Variants in KCNMA1 observed in about 807,000 individuals in gnomAD.
KCNMA1 encodes the protein potassium calcium-activated channel subfamily M alpha 1.
In KCNMA1, 29 loss-of-function variants were observed where a neutral mutation model predicts 140.0. The observed-to-expected ratio is 0.21, with a 90% CI of 0.15 to 0.28. The LOEUF is 0.28. KCNMA1 is among the 10% of genes least tolerant of loss of function. The pLI is 1.00. For missense variants in KCNMA1, 880 were observed against 1,602.2 expected, an observed-to-expected ratio of 0.55 and a Z score of 7.70; for synonymous variants, 612 against 611.9, an observed-to-expected ratio of 1.00 and a Z score of 0.00.
chr10:76,886,867 C>A lies in KCNMA1; in HGVS notation c.*399G>T. 2 of 1,081,090 alleles carry A rather than the reference C, an allele frequency of 1.8e-6. No individual in the cohort carries two copies. Among genetic ancestry groups the A allele is most frequent in the South Asian group, 2.7e-5 (1 of 36,646 alleles). The allele number at this position is 1,081,090 out of a possible 1,614,324, so 67.0% of individuals were successfully genotyped here. The stretch of plus-strand genomic sequence containing the variant: ...ACAACAACAACAACAAAATCAAAAC[C>A]CAAAGCACCCTGATAATCCTGATAA... On this transcript the variant is annotated 3_prime_UTR_variant, in exon 28 of 28. Transcript: ENST00000286628.
intron 2 of KCNMA1, among the ~76,000 whole-genome samples, chr10:77,326,739 G>A (rs1470314755): frequency 6.6e-6 from 1 of 152,100 alleles, no homozygotes; most frequent in African/African-American, 2.4e-5. Context: ...TATTAATCAC[G>A]TTACCAGGGA....
chr10:77,110,470 T>G, intron 7 of KCNMA1, 127 bp from the exon 8 acceptor site: 1 of 833,666 alleles, frequency 1.2e-6, no homozygotes, highest in Non-Finnish European at 2.1e-6. Flanking sequence ...ACACGAGATG[T>G]GTGGTTCCCG....
chr10:77,155,615 G>A (rs140028664), intron 5 of KCNMA1, among the ~76,000 whole-genome samples: 11 of 152,178 alleles, frequency 7.2e-5, no homozygotes, highest in African/African-American at 2.6e-4. Flanking sequence ...TTCATTCCCT[G>A]TATGCCTGAA....
intron 2 of KCNMA1, among the ~76,000 whole-genome samples, chr10:77,286,776 G>T (rs1032269277): frequency 8.6e-5 from 9 of 105,164 alleles, no homozygotes; most frequent in East Asian, 5.3e-4. Context: ...CGGGGGGGGG[G>T]GGGGGGTTCC....
At chr10:77,380,959 A>G (rs186724781) in intron 2 of KCNMA1, among the ~76,000 whole-genome samples, 1 of 152,308 alleles carries the variant, frequency 6.6e-6, no homozygotes, top group Admixed American at 6.5e-5. Flanking sequence ...GCCAATATTT[A>G]CAGCTTAGCC....
chr10:77,157,824 C>T (rs529552909), intron 5 of KCNMA1, among the ~76,000 whole-genome samples: 4 of 152,198 alleles, frequency 2.6e-5, no homozygotes, highest in African/African-American at 4.8e-5. Flanking sequence ...ATGGGAACAG[C>T]GTCCTGGCAC....
At chr10:77,206,326 G>A (rs376774248) in intron 3 of KCNMA1, among the ~76,000 whole-genome samples, 15 of 152,250 alleles carry the variant, frequency 9.9e-5, no homozygotes, top group Non-Finnish European at 2.1e-4. Flanking sequence ...TCAACCTGAC[G>A]TTGGATTCAT....
At position 77,039,511 on chromosome 10, in the gene KCNMA1, A is replaced by C; in HGVS notation, c.1859+17T>G. 1.4e-6 allele frequency: 2 copies of C among 1,412,096 alleles called. No homozygotes were observed. The highest frequency in any genetic ancestry group is 2.0e-6 in the Non-Finnish European group (2 of 995,294). 87.5% of individuals were successfully genotyped at this position (1,412,096 alleles called of 1,614,324 possible). The stretch of plus-strand genomic sequence containing the variant: ...TATCCCTGAAAGCCAAAGAGCATCC[A>C]GTTAAAGGTCACTTACTCACAAACA... On this transcript the variant is annotated intron_variant, in intron 15 of 27. Transcript: ENST00000286628.
intron 2 of KCNMA1, among the ~76,000 whole-genome samples, chr10:77,312,347 C>T (rs1229638408): frequency 6.6e-6 from 1 of 152,188 alleles, no homozygotes; most frequent in Non-Finnish European, 1.5e-5. Context: ...AGGAGATGGC[C>T]GGCCGCGGTG....
chr10:77,023,270 A>C (rs2153503635), intron 16 of KCNMA1, among the ~76,000 whole-genome samples: 1 of 152,318 alleles, frequency 6.6e-6, no homozygotes, highest in African/African-American at 2.4e-5. Context: ...CTGTTTCTGA[A>C]GACAACCTAT....
intron 5 of KCNMA1, among the ~76,000 whole-genome samples, chr10:77,180,056 G>T (rs933798724): frequency 2.0e-5 from 3 of 152,178 alleles, no homozygotes; most frequent in African/African-American, 7.2e-5. Context: ...ATTCACTCTG[G>T]TTTTTATCTC....
chr10:77,106,589 C>T (rs2097202688), intron 9 of KCNMA1, among the ~76,000 whole-genome samples: 1 of 151,890 alleles, frequency 6.6e-6, no homozygotes, highest in Non-Finnish European at 1.5e-5. Context: ...TTCAACTTAG[C>T]CTTCAGGGCA....
chr10:77,425,806 C>G (rs2096975013), intron 1 of KCNMA1, among the ~76,000 whole-genome samples: 1 of 152,198 alleles, frequency 6.6e-6, no homozygotes, highest in African/African-American at 2.4e-5. Context: ...GTGACACATC[C>G]TGCTTAGGAG....
At chr10:77,509,101 T>G (rs7096548) in intron 1 of KCNMA1, among the ~76,000 whole-genome samples, 3,495 of 119,072 alleles carry the variant, frequency 0.029, 165 homozygotes, top group African/African-American at 0.072. Context: ...TTTGTTGGGT[T>G]TTGTTGTTGT....
At chr10:77,043,281 T>G (rs1327402302) in intron 14 of KCNMA1, among the ~76,000 whole-genome samples, 4 of 152,216 alleles carry the variant, frequency 2.6e-5, no homozygotes, top group Non-Finnish European at 1.5e-5. Context: ...TATTTCCATA[T>G]GGATAGTCAA....
intron 14 of KCNMA1, among the ~76,000 whole-genome samples, chr10:77,049,720 A>G (rs1328046368): frequency 6.6e-6 from 1 of 152,236 alleles, no homozygotes; most frequent in African/African-American, 2.4e-5. Flanking sequence ...AATAACTTCA[A>G]TAACTTCATA....
chr10:77,587,657 C>T (rs966905964), intron 1 of KCNMA1: 1 of 977,018 alleles, frequency 1.0e-6, no homozygotes, highest in Admixed American at 6.2e-5. Flanking sequence ...TCTGAGGACA[C>T]CTTCAGTGGA....
intron 23 of KCNMA1, among the ~76,000 whole-genome samples, chr10:76,943,050 C>T (rs1227459629): frequency 6.6e-6 from 1 of 152,214 alleles, no homozygotes; most frequent in East Asian, 1.9e-4. Flanking sequence ...GACACCCATA[C>T]TGGGGCAGGG....
intron 21 of KCNMA1, among the ~76,000 whole-genome samples, chr10:76,953,289 T>C (rs1025290847): frequency 1.3e-5 from 2 of 152,204 alleles, no homozygotes; most frequent in Non-Finnish European, 2.9e-5. Context: ...CCAATAACAA[T>C]ACAGGCAGCA....
Sources: allele counts gnomAD v4.1 joint callset (sites outside exome capture counted in the v4.1 genomes callset), GRCh38; gene constraint gnomAD v4.1.1; transcripts MANE v1.5; gene names NCBI Gene and HGNC (gene_info 2026-07-23, HGNC 2026-07-21).